AFDN: variants seen among roughly 807,000 people sequenced by gnomAD.
The protein encoded by AFDN is afadin.
A neutral mutation model predicts 216.6 loss-of-function variants in AFDN; 68 were observed. The ratio of observed to expected loss-of-function variants is 0.31; its 90% CI spans 0.26 to 0.38. The LOEUF (loss-of-function observed/expected upper bound fraction) is 0.38. AFDN is among the 10% of genes least tolerant of loss of function. The pLI is 1.00. For synonymous variants in AFDN, 868 were observed against 853.7 expected, an observed-to-expected ratio of 1.02 and a Z score of -0.29; for missense variants, 2,136 against 2,342.0, an observed-to-expected ratio of 0.91 and a Z score of 1.82.
intron 8 of AFDN, among the ~76,000 whole-genome samples, chr6:167,892,188 C>G (rs1787696553): frequency 6.6e-6 from 1 of 152,056 alleles, no homozygotes; most frequent in Non-Finnish European, 1.5e-5. Flanking sequence ...TGCTTCAGGA[C>G]TTTAAAAAAA....
intron 3 of AFDN, 64 bp downstream of exon 3, chr6:167,870,562 G>A: frequency 1.1e-6 from 1 of 911,388 alleles, no homozygotes; most frequent in Non-Finnish European, 1.7e-6. Context: ...ATAAACAGGA[G>A]ACTGATGTTT....
chr6:167,900,611 G>A (rs1472427912), intron 11 of AFDN, among the ~76,000 whole-genome samples: 1 of 152,196 alleles, frequency 6.6e-6, no homozygotes, highest in African/African-American at 2.4e-5. Context: ...GGTGGGAAAA[G>A]TTAAAGAATT....
intron 4 of AFDN, among the ~76,000 whole-genome samples, chr6:167,874,329 G>A (rs887162534): frequency 4.6e-5 from 7 of 152,052 alleles, no homozygotes; most frequent in East Asian, 1.9e-4. Flanking sequence ...AAAATGAGTT[G>A]TTCAACTTGA....
chr6:167,879,106 C>T (rs1454028172), intron 5 of AFDN, among the ~76,000 whole-genome samples: 2 of 152,186 alleles, frequency 1.3e-5, no homozygotes, highest in African/African-American at 4.8e-5. Context: ...ATCATCTGAC[C>T]TGCTTATTGC....
intron 12 of AFDN, among the ~76,000 whole-genome samples, chr6:167,903,802 C>A (rs1789294363): frequency 6.6e-6 from 1 of 152,208 alleles, no homozygotes; most frequent in Non-Finnish European, 1.5e-5. Context: ...CCTGTTCATT[C>A]TTGCCCCTCC....
At chr6:167,943,316 A>AGTATC in intron 24 of AFDN, 86 bp from the exon 25 acceptor site, 1 of 1,431,456 alleles carries the variant, frequency 7.0e-7, no homozygotes, top group Admixed American at 1.7e-5. Flanking sequence ...GAACAAATAG[A>AGTATC]GTATCTACTC....
In AFDN at chr6:167,875,532, C is replaced by A. The variant is rs375018264; in HGVS notation, c.739+37C>A. ...TATTTTTTCTCTGTTCTACCTGTTACAAAGAGCATTGTTTAATTACACTGT... is the reference window on the plus strand; with the variant it reads ...TATTTTTTCTCTGTTCTACCTGTTAAAAAGAGCATTGTTTAATTACACTGT... On this transcript the variant is annotated intron_variant, in intron 5 of 33. Transcript: ENST00000683244. The A allele has an allele frequency of 4.1e-4, 657 of 1,603,032 alleles. 1 individual carries two copies. Among genetic ancestry groups the A allele is most frequent in the Non-Finnish European group, 5.3e-4 (619 of 1,174,390 alleles).
At chr6:167,894,304 G>C (rs1337803681) in intron 9 of AFDN, among the ~76,000 whole-genome samples, 1 of 152,186 alleles carries the variant, frequency 6.6e-6, no homozygotes, top group African/African-American at 2.4e-5. Flanking sequence ...ACTGTCTGTT[G>C]TGGGGTTACT....
intron 1 of AFDN, among the ~76,000 whole-genome samples, chr6:167,849,402 A>G (rs908143789): frequency 6.6e-6 from 1 of 151,918 alleles, no homozygotes; most frequent in Non-Finnish European, 1.5e-5. Context: ...GCCGTTTCTT[A>G]TTTTGTGTTC....
At chr6:167,946,176 A>C (rs932583490) in intron 26 of AFDN, among the ~76,000 whole-genome samples, 1 of 152,178 alleles carries the variant, frequency 6.6e-6, no homozygotes, top group Non-Finnish European at 1.5e-5. Flanking sequence ...CTAATTTCTT[A>C]GTTAGTGGTC....
intron 22 of AFDN, among the ~76,000 whole-genome samples, chr6:167,923,560 T>C (rs1027623315): frequency 6.6e-6 from 1 of 152,110 alleles, no homozygotes; most frequent in Non-Finnish European, 1.5e-5. Context: ...TTGATGATCG[T>C]TCTTTTGTAC....
chr6:167,915,306 C>T lies in AFDN; in HGVS notation c.2438C>T (p.Pro813Leu), dbSNP rs1357169229. 6.2e-7 allele frequency: 1 copy of T among 1,614,088 alleles called. No individual in the cohort carries two copies. The highest frequency in any genetic ancestry group is 8.5e-7 in the Non-Finnish European group (1 of 1,180,044). ...MWLFNRLVTD[P>L]DSGLCSHYWG... ...CTGTTCAATAGATTGGTGACCGACC[C>T]AGATTCGGGGCTGTGCTCCCATTAC... The change falls in exon 19 of 34, where the codon CCA (proline) becomes CTA (leucine). Residue 813 changes from proline (P) to leucine (L), a missense_variant. This residue lies in a region of AFDN where 817 missense variants were observed against 965.7 expected (regional missense o/e 0.85). Transcript: ENST00000683244.
intron 23 of AFDN, 23 bp downstream of exon 23, chr6:167,925,114 A>T (rs1562684845): frequency 6.5e-7 from 1 of 1,538,922 alleles, no homozygotes; most frequent in Non-Finnish European, 9.0e-7. Context: ...GTCACGTGCG[A>T]GTTGTTCTCT....
intron 2 of AFDN, among the ~76,000 whole-genome samples, chr6:167,866,414 C>A (rs181028014): frequency 6.6e-6 from 1 of 152,022 alleles, no homozygotes; most frequent in Non-Finnish European, 1.5e-5. Flanking sequence ...GAAACCTTAG[C>A]GTCTCAGTCA....
At chr6:167,848,409 C>T (rs145437335) in intron 1 of AFDN, among the ~76,000 whole-genome samples, 3,022 of 152,218 alleles carry the variant, frequency 0.02, 56 homozygotes, top group Non-Finnish European at 0.033. Flanking sequence ...AAACTACTGA[C>T]GTGAAACTTC....
chr6:167,954,514 C>G, intron 30 of AFDN: 2 of 1,598,250 alleles, frequency 1.3e-6, no homozygotes, highest in Non-Finnish European at 8.5e-7. Context: ...GTTTCTTTCC[C>G]TTTGGTACTT....
Position 167,880,415 on chromosome 6 carries a change from A to G in AFDN, c.795A>G (p.Thr265=). ...DSLKPNIPYK[T]ILLSTTDPAD... is the part of the protein sequence containing the mutation. Reference sequence around the variant, plus strand: ...TAAAACCAAATATTCCCTACAAGACAATCCTGCTGTCTACTACAGATCCTG... The same window carrying G: ...TAAAACCAAATATTCCCTACAAGACGATCCTGCTGTCTACTACAGATCCTG... The change falls in exon 6 of 34, where the codon ACA becomes ACG. Residue 265 remains threonine, a synonymous_variant. Transcript: ENST00000683244. 1 of 1,613,808 alleles carries G rather than the reference A, an allele frequency of 6.2e-7. No individual in the cohort carries two copies. Among genetic ancestry groups the G allele is most frequent in the Non-Finnish European group, 8.5e-7 (1 of 1,179,758 alleles).
chr6:167,928,701 T>TG (rs930465850), intron 23 of AFDN, among the ~76,000 whole-genome samples: 1 of 152,236 alleles, frequency 6.6e-6, no homozygotes, highest in Non-Finnish European at 1.5e-5. Flanking sequence ...TCTGCCCATT[T>TG]GTGCATCCAT....
At chr6:167,861,291 T>C (rs1783539122) in intron 1 of AFDN, among the ~76,000 whole-genome samples, 1 of 152,248 alleles carries the variant, frequency 6.6e-6, no homozygotes, top group South Asian at 2.1e-4. Context: ...TCTTGTGTGA[T>C]GTCAAACTAA....
Sources: allele counts gnomAD v4.1 joint callset (sites outside exome capture counted in the v4.1 genomes callset), GRCh38; gene constraint gnomAD v4.1.1; regional missense constraint gnomAD v4.1.1; transcripts MANE v1.5; gene names NCBI Gene and HGNC (gene_info 2026-07-23, HGNC 2026-07-21).